NCOR2: variants seen among roughly 807,000 people sequenced by gnomAD.
NCOR2 encodes CTG repeat protein 26.
Under a neutral mutation model 262.9 loss-of-function variants are expected in NCOR2, and 81 were observed. The ratio of observed to expected loss-of-function variants is 0.31; its 90% confidence interval spans 0.26 to 0.37. NCOR2 has a LOEUF of 0.37. Among genes scored for constraint, NCOR2 ranks in the 10% least tolerant of loss-of-function variants. The probability of loss-of-function intolerance (pLI) is 1.00; values close to 1 mark genes in which losing one functional copy is unlikely to be tolerated. For synonymous variants in NCOR2, 1,659 were observed against 1,559.3 expected (o/e 1.06, Z -1.51); for missense variants, 3,385 against 3,621.4 (o/e 0.93, Z 1.68).
intron 1 of NCOR2, among the ~76,000 whole-genome samples, chr12:124,487,498 C>T (rs1244935757): frequency 6.6e-6 from 1 of 152,274 alleles, no homozygotes; most frequent in Non-Finnish European, 1.5e-5. Context: ...GGGGCCTCGG[C>T]CTTGGCCTTG....
chr12:124,335,681 G>A, intron 38 of NCOR2, 49 bp from the exon 41 acceptor site: 1 of 1,553,066 alleles, frequency 6.4e-7, no homozygotes, highest in Non-Finnish European at 8.7e-7. Flanking sequence ...CAGGGTTTCG[G>A]AGCCCGAGGG....
At chr12:124,380,090 A>G (rs2040300254) in intron 17 of NCOR2, among the ~76,000 whole-genome samples, 1 of 152,214 alleles carries the variant, frequency 6.6e-6, no homozygotes, top group Non-Finnish European at 1.5e-5. Flanking sequence ...GGAATCACAC[A>G]TCCCTCTGCG....
At chr12:124,513,071 C>A (rs981169585) in intron 1 of NCOR2, among the ~76,000 whole-genome samples, 23 of 152,330 alleles carry the variant, frequency 1.5e-4, no homozygotes, top group African/African-American at 5.3e-4. Context: ...GGCACACAGG[C>A]CCCTGGCAAT....
At chr12:124,422,646 C>G in intron 11 of NCOR2, 91 bp from the exon 14 acceptor site, 2 of 1,466,516 alleles carry the variant, frequency 1.4e-6, no homozygotes, top group South Asian at 1.2e-5. Context: ...GCCATCCCCA[C>G]TGGCCGGGCC....
At chr12:124,382,919 A>G (rs1399761969) in intron 17 of NCOR2, among the ~76,000 whole-genome samples, 1 of 152,240 alleles carries the variant, frequency 6.6e-6, no homozygotes, top group Non-Finnish European at 1.5e-5. Context: ...TGAAGCACGG[A>G]GAGGTGAAGC....
intron 1 of NCOR2, among the ~76,000 whole-genome samples, chr12:124,534,985 TG>T (rs1472204626): frequency 6.6e-6 from 1 of 152,220 alleles, no homozygotes; most frequent in African/African-American, 2.4e-5. Flanking sequence ...AAACTGTTAT[TG>T]CCTCCCCGCC....
At chr12:124,359,928 G>T (rs1461238340) in intron 22 of NCOR2, among the ~76,000 whole-genome samples, 1 of 152,234 alleles carries the variant, frequency 6.6e-6, no homozygotes, top group East Asian at 1.9e-4. Flanking sequence ...AAGCCAGGCT[G>T]TGCAAGAAAG....
intron 43 of NCOR2, among the ~76,000 whole-genome samples, 187 bp from the exon 46 acceptor site, chr12:124,331,085 T>TA (rs1239630242): frequency 3.4e-5 from 5 of 145,926 alleles, no homozygotes; most frequent in African/African-American, 1.3e-4. Context: ...TTTTTTGAGA[T>TA]AGAGTCTCGC....
chr12:124,338,505 C>CAA (rs575208388), intron 37 of NCOR2, among the ~76,000 whole-genome samples: 5,222 of 87,630 alleles, frequency 0.06, 171 homozygotes, highest in South Asian at 0.11. Flanking sequence ...ACAACTCCAT[C>CAA]AAAAAAAAAA....
At chr12:124,536,516 G>A (rs557194465), upstream of NCOR2, among the ~76,000 whole-genome samples, 4 of 152,220 alleles carry the variant, frequency 2.6e-5, no homozygotes, top group East Asian at 1.9e-4. Context: ...CAACATAGAC[G>A]CTTCACCAAA....
At chr12:124,385,966 A>C (rs1593314125) in intron 16 of NCOR2, 79 bp from the exon 19 acceptor site, 3 of 1,526,116 alleles carry the variant, frequency 2.0e-6, no homozygotes, top group Middle Eastern at 1.8e-4. Context: ...CCTGGGCGGC[A>C]AACGGGCCTG....
rs115163902 is a variant in NCOR2, at chr12:124,381,989, C to T, written c.2020-3605G>A. 6.0e-3 allele frequency among the ~76,000 whole-genome samples: 917 copies of T among 152,340 alleles called. 9 individuals are homozygous for T. Among genetic ancestry groups the T allele is most frequent in the African/African-American group, 0.021 (873 of 41,564 alleles). On this transcript the variant is annotated intron_variant, in intron 17 of 46. Transcript: ENST00000405201. ...CGCCTGCGGCCACACTCGGGCCAGACCTAGTGCAAGGCGGGAGGGGACACC... is the reference window on the plus strand; with the variant it reads ...CGCCTGCGGCCACACTCGGGCCAGATCTAGTGCAAGGCGGGAGGGGACACC...
Position 124,430,704 on chromosome 12 carries a change from C to A in NCOR2, c.966G>T (p.Arg322=), listed in dbSNP as rs767703298. 5 of 1,614,188 alleles carry A rather than the reference C, an allele frequency of 3.1e-6. No individual in the cohort carries two copies. In the South Asian group the frequency reaches 5.5e-5, roughly 18 times the overall value. ...CGCGCACCTTGCTCTCCTTGGCCCG[C>A]CGCCGGGGGTTGTTCTCGATGCGCT... Residue 322 remains arginine (R), a synonymous_variant, in exon 9 of 47, where the codon CGG becomes CGT. Transcript: ENST00000405201.
chr12:124,333,794 G>GTGAGCA (rs1184166698), intron 41 of NCOR2, among the ~76,000 whole-genome samples: 1 of 152,220 alleles, frequency 6.6e-6, no homozygotes, highest in African/African-American at 2.4e-5. Context: ...GGGAGTGTGC[G>GTGAGCA]TGAGCATGTG....
At chr12:124,388,914 C>T (rs2041051425) in intron 16 of NCOR2, 3 of 330,872 alleles carry the variant, frequency 9.1e-6, no homozygotes, top group South Asian at 5.2e-5. Context: ...GGGAGGGACG[C>T]GGCGGGCGGA....
At chr12:124,452,801 T>C (rs114954846) in intron 6 of NCOR2, among the ~76,000 whole-genome samples, 8,242 of 152,282 alleles carry the variant, frequency 0.054, 487 homozygotes, top group African/African-American at 0.15. Flanking sequence ...CCTCCTCCCC[T>C]GCCCTGTAGA....
intron 34 of NCOR2, among the ~76,000 whole-genome samples, chr12:124,341,041 G>A (rs933037992): frequency 3.3e-5 from 5 of 152,154 alleles, no homozygotes; most frequent in Non-Finnish European, 7.4e-5. Flanking sequence ...AGCCTCTGAC[G>A]CCTACACAAT....
At position 124,510,415 on chromosome 12, in the gene NCOR2, C is replaced by A. The variant is rs564662078; in HGVS notation, c.-117-15047G>T. ...GAACACCTCGCAGCCACTGGCACAGCCAGTCCCCAACACAACACTTGGTGG... is the reference window on the plus strand; with the variant it reads ...GAACACCTCGCAGCCACTGGCACAGACAGTCCCCAACACAACACTTGGTGG... On this transcript the variant is annotated intron_variant, in intron 1 of 46. Coordinates refer to the NCOR2 transcript ENST00000404621. Among the ~76,000 whole-genome samples, 6 of 152,376 alleles carry A rather than the reference C, an allele frequency of 3.9e-5. No homozygotes were observed. In the South Asian group the frequency reaches 1.0e-3, roughly 26 times the overall value.
intron 37 of NCOR2, 38 bp from the exon 40 acceptor site, chr12:124,337,218 G>A (rs1042486475): frequency 3.9e-6 from 6 of 1,544,714 alleles, no homozygotes; most frequent in Non-Finnish European, 4.4e-6. Flanking sequence ...AGTCATGGGA[G>A]CTGCCCTCTT....
Sources: gnomAD v4.1 joint callset for allele counts (sites outside exome capture counted in the v4.1 genomes callset) on GRCh38, gnomAD v4.1.1 for gene constraint, MANE v1.5 for transcripts, NCBI Gene and HGNC (gene_info 2026-07-23, HGNC 2026-07-21) for gene names.